The following RYR3 variants were observed in gnomAD, a reference collection of about 807,000 sequenced individuals.
RYR3 encodes brain ryanodine receptor-calcium release channel.
In RYR3, 207 loss-of-function variants were observed where a neutral mutation model predicts 584.3. The observed-to-expected ratio is 0.35, with a 90% CI of 0.32 to 0.40. The LOEUF (loss-of-function observed/expected upper bound fraction) is 0.40. Among genes scored for constraint, RYR3 ranks in the 10% least tolerant of loss-of-function variants. The probability of loss-of-function intolerance (pLI) is 1.00; values close to 1 mark genes in which losing one functional copy is unlikely to be tolerated. For synonymous variants in RYR3, 2,416 were observed against 2,248.5 expected (o/e 1.07, Z -2.11); for missense variants, 5,616 against 6,089.2 (o/e 0.92, Z 2.59).
rs546140028 is a variant in RYR3, at chr15:33,464,013, TTTCA to T, written c.52-9401_52-9398del. The stretch of plus-strand genomic sequence containing the variant: ...TTAGTAAGAACTAAAATGACTAATC[TTTCA>T]TTCAGTGACTCCGTAAGTGCCTACC... On this transcript the variant is annotated intron_variant, in intron 1 of 103. Transcript: ENST00000634891. Among the ~76,000 whole-genome samples the T allele has an allele frequency of 4.2e-3, 636 of 152,266 alleles. 2 individuals carry two copies. Among genetic ancestry groups the T allele is most frequent in the Non-Finnish European group, 5.4e-3 (367 of 68,020 alleles).
intron 67 of RYR3, among the ~76,000 whole-genome samples, chr15:33,792,326 C>T (rs913039219): frequency 6.6e-6 from 1 of 152,158 alleles, no homozygotes; most frequent in African/African-American, 2.4e-5. Context: ...TTACCCAAAC[C>T]TGCTGCTCCC....
chr15:33,701,014 G>A lies in RYR3; in HGVS notation c.6417G>A (p.Val2139=). 6.2e-7 allele frequency: 1 copy of A among 1,613,542 alleles called. No individual in the cohort carries two copies. The highest frequency in any genetic ancestry group is 8.5e-7 in the Non-Finnish European group (1 of 1,179,738). ...PSMRGSTPLD[V]AASSVMDNNE... is the part of the protein sequence containing the mutation. Reference sequence around the variant, plus strand: ...TGAGGGGATCCACCCCGCTGGATGTGGCAGCTTCCTCTGTGATGGACAACA... The same window carrying A: ...TGAGGGGATCCACCCCGCTGGATGTAGCAGCTTCCTCTGTGATGGACAACA... Residue 2139 remains valine (V), a synonymous_variant, in exon 42 of 104, where the codon GTG becomes GTA. Transcript: ENST00000634891.
intron 48 of RYR3, among the ~76,000 whole-genome samples, chr15:33,732,135 A>T: frequency 6.6e-6 from 1 of 151,860 alleles, no homozygotes; most frequent in East Asian, 1.9e-4. Flanking sequence ...TCATCCCAGC[A>T]CTTTGGGAGG....
intron 67 of RYR3, among the ~76,000 whole-genome samples, chr15:33,793,557 TACTC>T (rs1226353661): frequency 1.3e-5 from 2 of 152,142 alleles, no homozygotes. Context: ...AAACTCCTAT[TACTC>T]AGGAAATTCC....
chr15:33,597,255 A>G (rs1263467010), intron 16 of RYR3, among the ~76,000 whole-genome samples: 1 of 152,202 alleles, frequency 6.6e-6, no homozygotes, highest in Non-Finnish European at 1.5e-5. Flanking sequence ...ACAAAAATGT[A>G]TGCTGGGCAA....
chr15:33,679,123 G>A (rs2064392677), intron 38 of RYR3, among the ~76,000 whole-genome samples: 1 of 152,040 alleles, frequency 6.6e-6, no homozygotes, highest in African/African-American at 2.4e-5. Flanking sequence ...GGATGCTCTA[G>A]GGCACAGACC....
At chr15:33,862,512 C>A (rs2153021903) in intron 102 of RYR3, among the ~76,000 whole-genome samples, 1 of 152,310 alleles carries the variant, frequency 6.6e-6, no homozygotes, top group South Asian at 2.1e-4. Context: ...GAGCCCTCAT[C>A]TTTCTTTAGG....
At chr15:33,738,308 C>T (rs8023517) in intron 49 of RYR3, 142 bp from the exon 50 acceptor site, 38,002 of 778,532 alleles carry the variant, frequency 0.049, 1,137 homozygotes, top group South Asian at 0.074. Flanking sequence ...GTTTGAAGGG[C>T]CTCTTTGTAG....
chr15:33,641,583 T>C (rs1031844897), intron 27 of RYR3, among the ~76,000 whole-genome samples: 11 of 152,294 alleles, frequency 7.2e-5, no homozygotes, highest in South Asian at 4.1e-4. Context: ...TATCGAATCG[T>C]TTTCTCCAAG....
intron 38 of RYR3, among the ~76,000 whole-genome samples, chr15:33,683,932 AG>A: frequency 6.6e-6 from 1 of 152,234 alleles, no homozygotes; most frequent in Non-Finnish European, 1.5e-5. Flanking sequence ...TGGCAGGAAG[AG>A]GGGCGTCTGC....
At chr15:33,379,849 C>T (rs2041055552) in intron 1 of RYR3, among the ~76,000 whole-genome samples, 1 of 152,028 alleles carries the variant, frequency 6.6e-6, no homozygotes, top group Admixed American at 6.6e-5. Context: ...GAAAGTGCAG[C>T]CTTCAGTCTG....
At chr15:33,408,279 T>C (rs1285122874) in intron 1 of RYR3, among the ~76,000 whole-genome samples, 1 of 152,192 alleles carries the variant, frequency 6.6e-6, no homozygotes, top group African/African-American at 2.4e-5. Context: ...TCTGTGTTAA[T>C]TTGCTTAGGA....
At chr15:33,421,854 A>T (rs936906722) in intron 1 of RYR3, among the ~76,000 whole-genome samples, 2 of 152,208 alleles carry the variant, frequency 1.3e-5, no homozygotes, top group Non-Finnish European at 2.9e-5. Flanking sequence ...CAGAACAAAG[A>T]AAAACGGATG....
At chr15:33,634,849 A>C in intron 25 of RYR3, 116 bp downstream of exon 25, 1 of 829,666 alleles carries the variant, frequency 1.2e-6, no homozygotes, top group Non-Finnish European at 2.0e-6. Flanking sequence ...TTGGGGCTGA[A>C]GAGCACTAGA....
At chr15:33,600,692 A>G (rs2059617366) in intron 16 of RYR3, among the ~76,000 whole-genome samples, 2 of 152,054 alleles carry the variant, frequency 1.3e-5, no homozygotes, top group African/African-American at 4.8e-5. Flanking sequence ...AATATTTAGA[A>G]TACCAATCTC....
chr15:33,669,928 T>G lies in RYR3; in HGVS notation c.5722+472T>G, dbSNP rs887450987. On this transcript the variant is annotated intron_variant, in intron 37 of 103. Coordinates refer to ENST00000634891, the MANE Select transcript of RYR3 (RefSeq NM_001036.6). ...GTTTAGTAACTTCTGCCCTTAAGGC[T>G]TCTCAGCCAGCAATCTCTACTTGGA... 2.7e-5 allele frequency among the ~76,000 whole-genome samples: 4 copies of G among 147,848 alleles called. No homozygotes were observed. The Admixed American group carries it at 2.7e-4, about 10-fold the overall frequency.
intron 1 of RYR3, among the ~76,000 whole-genome samples, chr15:33,361,327 T>C (rs1006281287): frequency 2.6e-5 from 4 of 152,196 alleles, no homozygotes; most frequent in Non-Finnish European, 5.9e-5. Flanking sequence ...TACAGCTTAA[T>C]TGAAAGGATG....
intron 1 of RYR3, among the ~76,000 whole-genome samples, chr15:33,325,725 TCTTCCTTCCTTCCTTCCTTC>T (rs67855881): frequency 0.042 from 3,832 of 91,448 alleles, 93 homozygotes; most frequent in African/African-American, 0.054. Context: ...CCCCTCCCCC[TCTTCCTTCCTTCCTTCCTTC>T]CTTCCTTCCT....
chr15:33,349,897 A>G (rs568283974), intron 1 of RYR3, among the ~76,000 whole-genome samples: 1 of 151,942 alleles, frequency 6.6e-6, no homozygotes, highest in Non-Finnish European at 1.5e-5. Context: ...TTCCAATCTC[A>G]TCCATGTCCC....
Sources: allele counts gnomAD v4.1 joint callset (sites outside exome capture counted in the v4.1 genomes callset), GRCh38; gene constraint gnomAD v4.1.1; transcripts MANE v1.5; gene names NCBI Gene and HGNC (gene_info 2026-07-23, HGNC 2026-07-21).